The following CCDC178 variants were observed in gnomAD, a reference collection of about 807,000 sequenced individuals.
CCDC178 encodes coiled-coil domain-containing protein 178.
In CCDC178, 126 loss-of-function variants were observed where a neutral mutation model predicts 117.4. The observed-to-expected ratio is 1.07, with a 90% CI of 0.93 to 1.24. The LOEUF (loss-of-function observed/expected upper bound fraction) is 1.24. Ranked by LOEUF, CCDC178 falls within the 50% of genes most tolerant of loss-of-function variation. The pLI, the probability that CCDC178 is intolerant of heterozygous loss-of-function variation, is 0.00. For missense variants in CCDC178, 1,030 were observed against 986.9 expected (o/e 1.04, Z -0.59); for synonymous variants, 283 against 313.4 (o/e 0.90, Z 1.02).
chr18:33,379,152 TATATATATTTCCATATATATA>T (rs1568187808), intron 5 of CCDC178, among the ~76,000 whole-genome samples: 37 of 136,998 alleles, frequency 2.7e-4, no homozygotes, highest in Non-Finnish European at 4.7e-4. Flanking sequence ...ATATATATAA[TATATATATTTCCATATATATA>T]ATATATATAT....
chr18:33,075,720 GCACTTT>G (rs1481082860), intron 21 of CCDC178, among the ~76,000 whole-genome samples: 4 of 152,042 alleles, frequency 2.6e-5, no homozygotes, highest in African/African-American at 9.7e-5. Flanking sequence ...TGTAATCCTA[GCACTTT>G]GGGAGGCCGA....
At chr18:33,015,756 T>C (rs1383214267) in intron 21 of CCDC178, among the ~76,000 whole-genome samples, 3 of 152,056 alleles carry the variant, frequency 2.0e-5, no homozygotes, top group Non-Finnish European at 4.4e-5. Context: ...CTGAAGGAAT[T>C]ATATGTATGG....
intron 15 of CCDC178, among the ~76,000 whole-genome samples, chr18:33,228,456 G>A (rs1256536503): frequency 1.3e-5 from 2 of 152,174 alleles, no homozygotes; most frequent in African/African-American, 4.8e-5. Context: ...ACTGCAGGCA[G>A]TATATGAGAC....
intron 6 of CCDC178, among the ~76,000 whole-genome samples, chr18:33,358,035 C>T (rs1454904323): frequency 6.6e-6 from 1 of 151,858 alleles, no homozygotes; most frequent in Non-Finnish European, 1.5e-5. Flanking sequence ...TAGTCTATTG[C>T]CCCTGGCCTA....
At chr18:33,168,471 T>C (rs912026727) in intron 20 of CCDC178, among the ~76,000 whole-genome samples, 23 of 152,136 alleles carry the variant, frequency 1.5e-4, no homozygotes, top group Admixed American at 1.2e-3. Context: ...GTAGAGAAAA[T>C]ACTTGCAAAC....
chr18:33,039,525 A>G (rs945432523), intron 21 of CCDC178, among the ~76,000 whole-genome samples: 3 of 152,058 alleles, frequency 2.0e-5, no homozygotes, highest in African/African-American at 7.2e-5. Flanking sequence ...TGAGGCCCCT[A>G]TGCATGGGCT....
intron 14 of CCDC178, among the ~76,000 whole-genome samples, chr18:33,263,289 A>C (rs964523158): frequency 2.0e-5 from 3 of 152,178 alleles, no homozygotes; most frequent in African/African-American, 4.8e-5. Context: ...AAATTCTATG[A>C]AACTATTTTA....
intron 20 of CCDC178, among the ~76,000 whole-genome samples, chr18:33,133,692 G>A (rs1259643691): frequency 6.6e-6 from 1 of 151,894 alleles, no homozygotes. Context: ...CAGGCTCCAA[G>A]AAGCCACATT....
rs568026219 is a variant in CCDC178 at position 33,132,433 on chromosome 18, T to C, written c.2239-39523A>G. 2.0e-5 allele frequency among the ~76,000 whole-genome samples: 3 copies of C among 151,852 alleles called. No homozygotes were observed. In the East Asian group the frequency reaches 5.8e-4, roughly 29 times the overall value. ...ACAAACATCTATATATTACGTTGTT[T>C]TTTCTTTTGGTTAAAGCATTTATCA... is the stretch of plus-strand genomic sequence containing the variant. On this transcript the variant is annotated intron_variant, in intron 20 of 22. Coordinates refer to ENST00000383096, the MANE Select transcript of CCDC178 (RefSeq NM_001105528.4).
chr18:33,011,767 C>CAAAAAAAAAAAAAAAAAAAAA (rs71177899), intron 21 of CCDC178, among the ~76,000 whole-genome samples: 1 of 30,016 alleles, frequency 3.3e-5, no homozygotes, highest in Non-Finnish European at 9.0e-5. Flanking sequence ...GAGCAGAATG[C>CAAAAAAAAAAAAAAAAAAAAA]AAAAAAAAAA....
At chr18:33,095,795 A>G (rs941937085) in intron 20 of CCDC178, among the ~76,000 whole-genome samples, 1 of 151,836 alleles carries the variant, frequency 6.6e-6, no homozygotes, top group Non-Finnish European at 1.5e-5. Context: ...CACACTTTTA[A>G]GTGTATATAT....
At chr18:33,396,817 C>T (rs189726234) in intron 4 of CCDC178, among the ~76,000 whole-genome samples, 3 of 151,828 alleles carry the variant, frequency 2.0e-5, no homozygotes, top group Non-Finnish European at 2.9e-5. Context: ...TCTGAAATGC[C>T]GGGAACGTCT....
At chr18:33,156,450 A>T (rs901727655) in intron 20 of CCDC178, among the ~76,000 whole-genome samples, 3 of 151,900 alleles carry the variant, frequency 2.0e-5, no homozygotes, top group African/African-American at 7.2e-5. Flanking sequence ...AAGGAAAAAA[A>T]AAACTCCCAG....
At chr18:33,196,922 A>G (rs545954397) in intron 20 of CCDC178, among the ~76,000 whole-genome samples, 85 of 152,218 alleles carry the variant, frequency 5.6e-4, no homozygotes, top group African/African-American at 2.0e-3. Context: ...AGGACTTGAT[A>G]TATTGCTTGC....
At chr18:32,938,331 C>A (rs761772665) in intron 22 of CCDC178, 3 of 404,762 alleles carry the variant, frequency 7.4e-6, no homozygotes. Context: ...GTGAATGAGA[C>A]AATTAAATTA....
chr18:33,333,592 T>C (rs953842315), intron 9 of CCDC178, among the ~76,000 whole-genome samples, 198 bp from the exon 10 acceptor site: 3 of 148,620 alleles, frequency 2.0e-5, no homozygotes, highest in Admixed American at 6.8e-5. Context: ...CTTGGCTTAC[T>C]GCAACCTCTG....
intron 20 of CCDC178, among the ~76,000 whole-genome samples, chr18:33,182,207 C>A (rs1032023032): frequency 1.3e-5 from 2 of 151,828 alleles, no homozygotes; most frequent in African/African-American, 2.4e-5. Flanking sequence ...CCATTAGACA[C>A]AGTTCCTTCA....
intron 22 of CCDC178, chr18:32,956,525 T>C (rs2054596523): frequency 6.6e-6 from 1 of 152,204 alleles, no homozygotes; most frequent in Admixed American, 6.5e-5. Flanking sequence ...CCTCTGATAA[T>C]AAATCATGTA....
intron 20 of CCDC178, among the ~76,000 whole-genome samples, chr18:33,175,340 A>AT (rs1461723632): frequency 6.6e-6 from 1 of 151,602 alleles, no homozygotes; most frequent in African/African-American, 2.4e-5. Context: ...TCCTTTTAAC[A>AT]TTTTTTTCTA....
Sources: allele counts gnomAD v4.1 joint callset (sites outside exome capture counted in the v4.1 genomes callset), GRCh38; gene constraint gnomAD v4.1.1; transcripts MANE v1.5; gene names NCBI Gene and HGNC (gene_info 2026-07-23, HGNC 2026-07-21).